Variants in TMC1 observed in about 807,000 individuals in gnomAD.
TMC1 encodes transmembrane channel-like protein 1.
A neutral mutation model predicts 105.8 loss-of-function variants in TMC1; 84 were observed. The ratio of observed to expected loss-of-function variants is 0.79; its 90% confidence interval spans 0.67 to 0.95. The LOEUF is 0.95. Among genes scored for constraint, TMC1 ranks in the 40% least tolerant of loss-of-function variants. The pLI, the probability that TMC1 is intolerant of heterozygous loss-of-function variation, is 0.00. For missense variants in TMC1, 817 were observed against 914.1 expected, an observed-to-expected ratio of 0.89 and a Z score of 1.37; for synonymous variants, 315 against 311.5, an observed-to-expected ratio of 1.01 and a Z score of -0.12.
intron 1 of TMC1, among the ~76,000 whole-genome samples, chr9:72,554,196 T>G (rs1430942450): frequency 1.3e-5 from 2 of 152,210 alleles, no homozygotes; most frequent in Non-Finnish European, 2.9e-5. Context: ...CTTTAGCTTT[T>G]CTTAGCTGTG....
chr9:72,722,427 T>G (rs1044379269), intron 8 of TMC1, among the ~76,000 whole-genome samples: 2 of 152,220 alleles, frequency 1.3e-5, no homozygotes, highest in Non-Finnish European at 2.9e-5. Context: ...TGCCTGACTT[T>G]ATCTCCCGTT....
At chr9:72,725,363 A>ATATG (rs1827102120) in intron 8 of TMC1, among the ~76,000 whole-genome samples, 5 of 83,000 alleles carry the variant, frequency 6.0e-5, no homozygotes, top group African/African-American at 2.6e-4. Flanking sequence ...ATATATATAT[A>ATATG]TATATGTATA....
intron 8 of TMC1, among the ~76,000 whole-genome samples, chr9:72,719,959 T>C (rs768515829): frequency 6.6e-6 from 1 of 152,222 alleles, no homozygotes; most frequent in Non-Finnish European, 1.5e-5. Flanking sequence ...GTGGGCAAGT[T>C]TCTTAGTCTC....
intron 5 of TMC1, among the ~76,000 whole-genome samples, chr9:72,687,848 T>C (rs1402610227): frequency 6.6e-6 from 1 of 152,200 alleles, no homozygotes; most frequent in African/African-American, 2.4e-5. Flanking sequence ...ATAAAATTCA[T>C]GTTTTATAAG....
chr9:72,653,785 A>G (rs1427004658), intron 5 of TMC1, among the ~76,000 whole-genome samples: 1 of 151,848 alleles, frequency 6.6e-6, no homozygotes, highest in African/African-American at 2.4e-5. Context: ...ACACCCCACC[A>G]CCCATATACT....
intron 20 of TMC1, among the ~76,000 whole-genome samples, chr9:72,822,417 C>A (rs769557396): frequency 2.0e-5 from 3 of 152,052 alleles, no homozygotes; most frequent in Non-Finnish European, 4.4e-5. Context: ...TATTGCTTTG[C>A]TGGAAAACAA....
At chr9:72,641,880 C>T (rs190056924) in intron 4 of TMC1, among the ~76,000 whole-genome samples, 155 of 131,826 alleles carry the variant, frequency 1.2e-3, no homozygotes, top group Non-Finnish European at 2.0e-3. Context: ...TGCAGTGGTG[C>T]GATCTCGGCT....
At chr9:72,569,515 G>T (rs536430690) in intron 1 of TMC1, among the ~76,000 whole-genome samples, 1 of 152,210 alleles carries the variant, frequency 6.6e-6, no homozygotes, top group African/African-American at 2.4e-5. Flanking sequence ...TAAGAATCAG[G>T]AAAGTTTTCA....
intron 12 of TMC1, 128 bp downstream of exon 12, chr9:72,755,012 TAAGAAAGAAAGGA>T (rs1272667933): frequency 3.0e-5 from 13 of 434,868 alleles, no homozygotes; most frequent in Admixed American, 5.7e-5. Flanking sequence ...CTGCTCCCTT[TAAGAAAGAAAGGA>T]AAGAAAGAAA....
chr9:72,826,812 C>T (rs1828963201), intron 20 of TMC1, 57 bp from the exon 21 acceptor site: 2 of 1,587,510 alleles, frequency 1.3e-6, no homozygotes, highest in African/African-American at 2.7e-5. Context: ...CTTGCTTTAA[C>T]CATGGTTTTT....
intron 8 of TMC1, among the ~76,000 whole-genome samples, chr9:72,717,341 G>C (rs902580308): frequency 6.6e-6 from 1 of 152,108 alleles, no homozygotes; most frequent in African/African-American, 2.4e-5. Flanking sequence ...ACTATCTGTT[G>C]CCTGAATACC....
intron 8 of TMC1, among the ~76,000 whole-genome samples, chr9:72,735,889 C>T (rs1226260063): frequency 1.3e-5 from 2 of 152,152 alleles, no homozygotes; most frequent in African/African-American, 2.4e-5. Flanking sequence ...AAACCCATCC[C>T]CAACATATCT....
intron 5 of TMC1, among the ~76,000 whole-genome samples, chr9:72,675,818 A>C (rs1826193686): frequency 6.6e-6 from 1 of 152,130 alleles, no homozygotes; most frequent in Admixed American, 6.6e-5. Flanking sequence ...ACACAATTAC[A>C]ATAATTTGTT....
rs146153857 is a variant in TMC1, at chr9:72,553,486, A to G, written c.-427-24416A>G. ...GAGGTAACCCAGTTGTAGCTGTTCT[A>G]CTCTTCTCTACTGCTAGATTTTGGA... is the stretch of plus-strand genomic sequence containing the variant. On this transcript the variant is annotated intron_variant, in intron 1 of 23. Coordinates refer to ENST00000297784, the MANE Select transcript of TMC1 (RefSeq NM_138691.3). 2.4e-3 allele frequency among the ~76,000 whole-genome samples: 361 copies of G among 152,234 alleles called. 2 individuals carry two copies. The Middle Eastern group carries it at 0.069, about 29-fold the overall frequency.
At chr9:72,598,767 G>A (rs890589624) in intron 2 of TMC1, among the ~76,000 whole-genome samples, 3 of 152,176 alleles carry the variant, frequency 2.0e-5, no homozygotes, top group East Asian at 3.9e-4. Context: ...AAATCATATT[G>A]TGAAAATCCT....
At chr9:72,781,243 A>C (rs1489770099) in intron 13 of TMC1, among the ~76,000 whole-genome samples, 1 of 152,200 alleles carries the variant, frequency 6.6e-6, no homozygotes, top group Non-Finnish European at 1.5e-5. Flanking sequence ...AAATTAAGGC[A>C]AAAATTAAGA....
intron 1 of TMC1, among the ~76,000 whole-genome samples, chr9:72,549,415 G>A (rs549889675): frequency 1.3e-5 from 2 of 151,724 alleles, no homozygotes; most frequent in South Asian, 4.2e-4. Flanking sequence ...CTGCTCTTTA[G>A]TAAGTCTAGC....
intron 6 of TMC1, among the ~76,000 whole-genome samples, chr9:72,691,017 G>T (rs185092777): frequency 4.6e-4 from 69 of 151,418 alleles, no homozygotes; most frequent in African/African-American, 1.7e-3. Context: ...TTCTTTTTAT[G>T]GTTTTGCTCT....
intron 2 of TMC1, among the ~76,000 whole-genome samples, chr9:72,608,911 A>G (rs142560513): frequency 7.1e-4 from 108 of 152,160 alleles, no homozygotes; most frequent in African/African-American, 2.4e-3. Context: ...TTCTTCTTTC[A>G]TCTACTGCCT....
Sources: allele counts gnomAD v4.1 joint callset (sites outside exome capture counted in the v4.1 genomes callset), GRCh38; gene constraint gnomAD v4.1.1; transcripts MANE v1.5; gene names NCBI Gene and HGNC (gene_info 2026-07-23, HGNC 2026-07-21).